The following AK9 variants were observed in gnomAD, a reference collection of about 807,000 sequenced individuals.
AK9 encodes the protein adenylate kinase domain containing 1.
In AK9, 191 loss-of-function variants were observed where a neutral mutation model predicts 239.6. The observed-to-expected ratio is 0.80, with a 90% CI of 0.71 to 0.90. The LOEUF is 0.90. AK9 is among the 40% of genes least tolerant of loss of function. The pLI is 0.00. For missense variants in AK9, 1,995 were observed against 2,214.7 expected (o/e 0.90, Z 1.99); for synonymous variants, 689 against 721.0 (o/e 0.96, Z 0.71).
At chr6:109,546,844 C>CACT (rs1034828145) in intron 25 of AK9, among the ~76,000 whole-genome samples, 23 of 152,188 alleles carry the variant, frequency 1.5e-4, no homozygotes, top group African/African-American at 5.5e-4. Flanking sequence ...ATTAACACTT[C>CACT]ACTCACCCAC....
chr6:109,550,727 T>C (rs1050180866), intron 24 of AK9, among the ~76,000 whole-genome samples: 1 of 152,232 alleles, frequency 6.6e-6, no homozygotes, highest in African/African-American at 2.4e-5. Flanking sequence ...TGGTATTAAG[T>C]GGATATATGA....
intron 29 of AK9, among the ~76,000 whole-genome samples, chr6:109,525,302 A>C (rs1345088084): frequency 1.3e-5 from 2 of 152,172 alleles, no homozygotes; most frequent in African/African-American, 2.4e-5. Context: ...CAGAAACAAA[A>C]ATTGACAAGT....
chr6:109,552,966 T>C (rs921763259), intron 24 of AK9, among the ~76,000 whole-genome samples: 2 of 152,242 alleles, frequency 1.3e-5, no homozygotes, highest in Non-Finnish European at 2.9e-5. Flanking sequence ...TAGGAGATCC[T>C]TTCCTCATTG....
chr6:109,560,581 G>A lies in AK9; in HGVS notation c.2751+3016C>T, dbSNP rs1023369327. On this transcript the variant is annotated intron_variant, in intron 24 of 40. Coordinates refer to ENST00000424296, the MANE Select transcript of AK9 (RefSeq NM_001145128.3). ...GAATTACATTGATTGCTTTTCAAAC[G>A]TTAAACTAACCTTGAATTTCCAAGA... Among the ~76,000 whole-genome samples the A allele has an allele frequency of 2.6e-5, 4 of 152,146 alleles. No individual in the cohort carries two copies. The South Asian group carries it at 6.2e-4, about 24-fold the overall frequency.
chr6:109,610,413 T>C lies in AK9; in HGVS notation c.1794A>G (p.Glu598=), dbSNP rs1193612726. The change falls in exon 17 of 41, where the codon GAA becomes GAG. Residue 598 remains glutamate (E), a synonymous_variant. Transcript: ENST00000424296. The part of the protein sequence containing the change: ...TIKMSQDINF[E]QPYEKHAEIL... ...TTTCAGCATGTTTTTCATATGGCTG[T>C]TCAAAGTTTATATCCTGTGACATTT... 1 of 1,551,564 alleles carries C rather than the reference T, an allele frequency of 6.4e-7. No homozygotes were observed.
intron 8 of AK9, among the ~76,000 whole-genome samples, chr6:109,645,621 T>C (rs1041660090): frequency 5.3e-5 from 8 of 152,132 alleles, no homozygotes; most frequent in South Asian, 2.1e-4. Context: ...ACTCCACCTC[T>C]GGGGGCAGGG....
Position 109,659,350 on chromosome 6 carries a change from T to C in AK9, c.508A>G (p.Ile170Val), listed in dbSNP as rs138155530. ...GGATCCCACTGGTCTCTACTGTATA[T>C]GTATCCCGTATTATTGTGCTGTCTT... ...GQRQHNNTGY[I>V]YSRDQWDPEV... Residue 170 changes from isoleucine to valine, a missense_variant, in exon 7 of 41, where the codon ATA (isoleucine) becomes GTA (valine). By Grantham distance (29) the Ile-to-Val change is conservative. Transcript: ENST00000424296. The C allele has an allele frequency of 6.2e-7, 1 of 1,612,556 alleles. No homozygotes were observed. Among genetic ancestry groups the C allele is most frequent in the Non-Finnish European group, 8.5e-7 (1 of 1,179,708 alleles).
chr6:109,592,477 C>T (rs1277121225), intron 17 of AK9, among the ~76,000 whole-genome samples: 8 of 130,450 alleles, frequency 6.1e-5, no homozygotes, highest in South Asian at 2.5e-4. Flanking sequence ...GACGGAGTCT[C>T]GCTCTTTCAC....
At chr6:109,576,408 T>A (rs1170499203) in intron 20 of AK9, among the ~76,000 whole-genome samples, 2 of 115,754 alleles carry the variant, frequency 1.7e-5, no homozygotes, top group African/African-American at 2.9e-5. Flanking sequence ...TAGGTGTATA[T>A]ACATATATAT....
intron 17 of AK9, among the ~76,000 whole-genome samples, chr6:109,598,025 C>T (rs1364893146): frequency 6.6e-6 from 1 of 152,062 alleles, no homozygotes; most frequent in African/African-American, 2.4e-5. Flanking sequence ...ATTATAAATA[C>T]TTTCCCCAGC....
At chr6:109,600,708 T>C (rs1791820940) in intron 17 of AK9, among the ~76,000 whole-genome samples, 1 of 152,232 alleles carries the variant, frequency 6.6e-6, no homozygotes, top group Non-Finnish European at 1.5e-5. Flanking sequence ...TGTCTGGTCC[T>C]GGACTTTTTT....
chr6:109,543,734 G>A (rs906019301), intron 26 of AK9, among the ~76,000 whole-genome samples: 15 of 151,942 alleles, frequency 9.9e-5, no homozygotes, highest in African/African-American at 3.4e-4. Flanking sequence ...AGGCGTGAGC[G>A]ACCGTGCCTG....
At chr6:109,630,218 G>A (rs1416266904) in intron 12 of AK9, among the ~76,000 whole-genome samples, 1 of 152,066 alleles carries the variant, frequency 6.6e-6, no homozygotes, top group East Asian at 1.9e-4. Context: ...AGAGGTCTGT[G>A]CAAATTTCTA....
At chr6:109,645,986 C>G (rs1237581161) in intron 8 of AK9, among the ~76,000 whole-genome samples, 1 of 152,230 alleles carries the variant, frequency 6.6e-6, no homozygotes, top group Non-Finnish European at 1.5e-5. Context: ...TCCAACAGAC[C>G]TGCAGCTGAG....
intron 9 of AK9, among the ~76,000 whole-genome samples, chr6:109,643,695 T>C (rs1797715352): frequency 6.6e-6 from 1 of 152,192 alleles, no homozygotes. Context: ...TCTTTCTTGG[T>C]GCAATCCCTT....
intron 17 of AK9, among the ~76,000 whole-genome samples, chr6:109,596,878 C>T (rs576583138): frequency 9.5e-4 from 145 of 152,224 alleles, no homozygotes; most frequent in African/African-American, 3.3e-3. Flanking sequence ...ATTGCTGGAT[C>T]GTACTGTAGT....
rs142215607 is a variant in AK9, at chr6:109,610,212, G to A, written c.1842+153C>T. ...CAGTAGTTGTTCACTGGGGTACTTC[G>A]CACTTAACAATGCTGACTACAAAAT... On this transcript the variant is annotated intron_variant, in intron 17 of 40. Transcript: ENST00000424296. Among the ~76,000 whole-genome samples the A allele has an allele frequency of 5.9e-3, 897 of 152,146 alleles. 6 individuals are homozygous for A. Among genetic ancestry groups the A allele is most frequent in the African/African-American group, 0.021 (856 of 41,500 alleles).
chr6:109,638,813 C>T lies in AK9; in HGVS notation c.933+2705G>A, dbSNP rs558076787. Among the ~76,000 whole-genome samples the T allele has an allele frequency of 2.0e-5, 3 of 152,270 alleles. No individual in the cohort carries two copies. The South Asian group carries it at 6.2e-4, about 32-fold the overall frequency. ...CTATCCCTCCCCCAGATCCCCACCC[C>T]ACGACAGGCCATGTTGTGTGATGTT... On this transcript the variant is annotated intron_variant, in intron 10 of 40. Transcript: ENST00000424296.
intron 10 of AK9, among the ~76,000 whole-genome samples, chr6:109,639,803 T>C (rs1797170836): frequency 6.6e-6 from 1 of 152,232 alleles, no homozygotes; most frequent in Admixed American, 6.5e-5. Flanking sequence ...AAGTCTTTAA[T>C]CCATCTTGAA....
Sources: allele counts gnomAD v4.1 joint callset (sites outside exome capture counted in the v4.1 genomes callset), GRCh38; gene constraint gnomAD v4.1.1; transcripts MANE v1.5; gene names NCBI Gene and HGNC (gene_info 2026-07-23, HGNC 2026-07-21).